OCA2: variants seen among roughly 807,000 people sequenced by gnomAD.
The protein encoded by OCA2 is OCA2 melanosomal transmembrane protein, also known as P protein.
OCA2 carries 77 observed loss-of-function variants against 100.2 expected under a neutral mutation model. The observed-to-expected ratio is 0.77, with a 90% confidence interval of 0.64 to 0.93. The LOEUF is 0.93. Ranked by LOEUF, OCA2 falls within the 40% of genes least tolerant of loss-of-function variation. The pLI is 0.00. For missense variants in OCA2, 1,062 were observed against 1,089.1 expected (o/e 0.98, Z 0.35); for synonymous variants, 432 against 439.2 (o/e 0.98, Z 0.21).
intron 18 of OCA2, among the ~76,000 whole-genome samples, chr15:27,935,295 C>A (rs2039413080): frequency 6.6e-6 from 1 of 152,180 alleles, no homozygotes; most frequent in South Asian, 2.1e-4. Context: ...CTCGAGTGGG[C>A]ATTAATCTCT....
intron 7 of OCA2, among the ~76,000 whole-genome samples, chr15:28,017,403 G>GGACC (rs2042431792): frequency 6.6e-6 from 1 of 152,158 alleles, no homozygotes; most frequent in Non-Finnish European, 1.5e-5. Context: ...GGAGGCAGCG[G>GGACC]GACCGCAGGC....
At chr15:27,769,263 A>G (rs2031527207) in intron 23 of OCA2, among the ~76,000 whole-genome samples, 1 of 152,216 alleles carries the variant, frequency 6.6e-6, no homozygotes, top group Non-Finnish European at 1.5e-5. Context: ...AGCACAAATC[A>G]CGATGCACAC....
intron 18 of OCA2, among the ~76,000 whole-genome samples, chr15:27,930,771 C>A (rs1221538313): frequency 6.6e-6 from 1 of 151,610 alleles, no homozygotes; most frequent in Non-Finnish European, 1.5e-5. Context: ...GGTGACTGAG[C>A]CAGGCTCTTC....
At chr15:27,986,540 A>C (rs766788356) in intron 12 of OCA2, 47 bp downstream of exon 12, 1 of 1,092,418 alleles carries the variant, frequency 9.2e-7, no homozygotes, top group Non-Finnish European at 1.4e-6. Context: ...AAAAATACAT[A>C]TATAAATTAA....
chr15:27,775,039 T>C (rs1479167025), intron 23 of OCA2, among the ~76,000 whole-genome samples: 1 of 151,380 alleles, frequency 6.6e-6, no homozygotes, highest in Non-Finnish European at 1.5e-5. Flanking sequence ...CTCCAGTCAC[T>C]TGCTCAAAGG....
rs752658965 is a variant in OCA2, at chr15:27,851,415, T to A, written c.2305A>T (p.Met769Leu). The change falls in exon 22 of 24, where the codon ATG becomes TTG. Residue 769 changes from methionine to leucine, a missense_variant. Coordinates refer to ENST00000354638, the MANE Select transcript of OCA2 (RefSeq NM_000275.3). Reference sequence around the variant, plus strand: ...CAAGCACCGAAGGCCAGGGCATACATGAGCGGCGGTGCGGGCAGGCCAACC... The same window carrying A: ...CAAGCACCGAAGGCCAGGGCATACAAGAGCGGCGGTGCGGGCAGGCCAACC... ...PEVGLPAPPL[M>L]YALAFGACLG... is the part of the protein sequence containing the mutation. 6.2e-7 allele frequency: 1 copy of A among 1,613,964 alleles called. No homozygotes were observed. Among genetic ancestry groups the A allele is most frequent in the Non-Finnish European group, 8.5e-7 (1 of 1,179,978 alleles).
the OCA2 span, among the ~76,000 whole-genome samples, chr15:27,743,918 G>A: frequency 1.3e-4 from 20 of 152,086 alleles, no homozygotes; most frequent in South Asian, 2.1e-4. Context: ...CCACGTCATC[G>A]TTGCTTTTGA....
intron 11 of OCA2, 94 bp from the exon 12 acceptor site, chr15:27,986,737 C>G: frequency 1.2e-6 from 1 of 839,236 alleles, no homozygotes; most frequent in Non-Finnish European, 2.1e-6. Context: ...GAGCTCTGGC[C>G]TCTGAAAGCC....
At chr15:27,778,771 A>G (rs2032384676) in intron 23 of OCA2, among the ~76,000 whole-genome samples, 1 of 152,222 alleles carries the variant, frequency 6.6e-6, no homozygotes, top group Admixed American at 6.5e-5. Context: ...TTGCCTGGAA[A>G]AGGCAAGTGG....
At chr15:27,882,761 G>C (rs1208158521) in intron 19 of OCA2, among the ~76,000 whole-genome samples, 1 of 152,104 alleles carries the variant, frequency 6.6e-6, no homozygotes, top group East Asian at 1.9e-4. Context: ...TAAGGGAAGT[G>C]GTTCAAATTC....
intron 2 of OCA2, among the ~76,000 whole-genome samples, chr15:28,060,715 C>T (rs1339287582): frequency 6.6e-6 from 1 of 152,214 alleles, no homozygotes. Context: ...TTTTAACTTG[C>T]TCTACTGCCA....
intron 23 of OCA2, among the ~76,000 whole-genome samples, chr15:27,820,603 C>G (rs1249756177): frequency 6.6e-6 from 1 of 152,050 alleles, no homozygotes; most frequent in African/African-American, 2.4e-5. Context: ...GATATGATGA[C>G]AAAATGGGAA....
At chr15:27,938,951 G>T (rs759985061) in intron 18 of OCA2, among the ~76,000 whole-genome samples, 5 of 152,134 alleles carry the variant, frequency 3.3e-5, no homozygotes, top group Non-Finnish European at 5.9e-5. Flanking sequence ...GACCTGTGAC[G>T]GCTATGCTAG....
chr15:27,969,524 C>T (rs1431123621), intron 14 of OCA2, among the ~76,000 whole-genome samples: 1 of 152,198 alleles, frequency 6.6e-6, no homozygotes, highest in African/African-American at 2.4e-5. Flanking sequence ...AACTATCCAC[C>T]AGCACACTCA....
chr15:28,088,354 G>A (rs1333956140), intron 1 of OCA2, among the ~76,000 whole-genome samples: 1 of 152,200 alleles, frequency 6.6e-6, no homozygotes, highest in African/African-American at 2.4e-5. Context: ...GGTAAAGGAT[G>A]TAAAAGGAGG....
At chr15:27,960,603 T>A (rs1393704363) in intron 15 of OCA2, among the ~76,000 whole-genome samples, 2 of 152,122 alleles carry the variant, frequency 1.3e-5, no homozygotes, top group African/African-American at 4.8e-5. Flanking sequence ...TATCTATCTA[T>A]CTATCTATCT....
At chr15:27,835,717 G>A (rs546044070) in intron 23 of OCA2, among the ~76,000 whole-genome samples, 1 of 152,294 alleles carries the variant, frequency 6.6e-6, no homozygotes, top group African/African-American at 2.4e-5. Context: ...ATATGCAATG[G>A]CGTTGGCCTC....
chr15:27,894,111 A>G (rs556364580), intron 19 of OCA2, among the ~76,000 whole-genome samples: 1 of 152,146 alleles, frequency 6.6e-6, no homozygotes, highest in Non-Finnish European at 1.5e-5. Flanking sequence ...CTCTCTTTGT[A>G]CTGTCTCTAT....
intron 2 of OCA2, among the ~76,000 whole-genome samples, chr15:28,070,990 T>C (rs895748079): frequency 2.1e-5 from 3 of 143,454 alleles, no homozygotes; most frequent in Admixed American, 6.9e-5. Context: ...TCATCACCAA[T>C]CCCTAATCTC....
Sources: allele counts gnomAD v4.1 joint callset (sites outside exome capture counted in the v4.1 genomes callset), GRCh38; gene constraint gnomAD v4.1.1; transcripts MANE v1.5; gene names NCBI Gene and HGNC (gene_info 2026-07-23, HGNC 2026-07-21).